The following FBXW4 variants were observed in gnomAD, a reference collection of about 807,000 sequenced individuals.
The protein encoded by FBXW4 is F-box/WD repeat-containing protein 4.
In FBXW4, 40 loss-of-function variants were observed where a neutral mutation model predicts 61.8. The ratio of observed to expected loss-of-function variants is 0.65; its 90% CI spans 0.50 to 0.84. The LOEUF (loss-of-function observed/expected upper bound fraction) is 0.84. FBXW4 is among the 40% of genes least tolerant of loss of function. The pLI is 0.00. For missense variants in FBXW4, 672 were observed against 753.8 expected (o/e 0.89, Z 1.27); for synonymous variants, 311 against 313.8 (o/e 0.99, Z 0.10).
At chr10:101,683,628 T>C (rs1188566642) in intron 1 of FBXW4, among the ~76,000 whole-genome samples, 1 of 152,010 alleles carries the variant, frequency 6.6e-6, no homozygotes, top group Non-Finnish European at 1.5e-5. Flanking sequence ...ATAAACCTAG[T>C]CTGAAGAAAA....
At chr10:101,685,695 T>TA (rs138541181) in intron 1 of FBXW4, among the ~76,000 whole-genome samples, 3,773 of 152,236 alleles carry the variant, frequency 0.025, 156 homozygotes, top group African/African-American at 0.083. Flanking sequence ...ACTTGCTTTT[T>TA]TAAAAAAAAA....
At chr10:101,623,321 G>A (rs1161313864) in intron 6 of FBXW4, among the ~76,000 whole-genome samples, 1 of 152,148 alleles carries the variant, frequency 6.6e-6, no homozygotes, top group Non-Finnish European at 1.5e-5. Flanking sequence ...GCTGAGATGG[G>A]AGGATTGCTT....
intron 1 of FBXW4, among the ~76,000 whole-genome samples, chr10:101,681,499 C>A (rs1010777136): frequency 6.6e-6 from 1 of 150,756 alleles, no homozygotes; most frequent in Non-Finnish European, 1.5e-5. Flanking sequence ...AGGCGGATCA[C>A]GAGGTCAGGA....
chr10:101,674,239 GA>G (rs2064386299), intron 2 of FBXW4, among the ~76,000 whole-genome samples: 1 of 151,360 alleles, frequency 6.6e-6, no homozygotes, highest in African/African-American at 2.4e-5. Flanking sequence ...TGAGGCAGGA[GA>G]ATCGCTTGAA....
intron 5 of FBXW4, among the ~76,000 whole-genome samples, chr10:101,644,674 A>G (rs1323956990): frequency 1.3e-5 from 2 of 152,168 alleles, no homozygotes; most frequent in Non-Finnish European, 2.9e-5. Context: ...CAGAAATGCC[A>G]CAGACCTTTC....
At chr10:101,653,838 CG>C (rs2134864555) in intron 5 of FBXW4, among the ~76,000 whole-genome samples, 1 of 152,130 alleles carries the variant, frequency 6.6e-6, no homozygotes, top group South Asian at 2.1e-4. Flanking sequence ...GACAGGCACT[CG>C]GGGCCAGGCG....
In FBXW4 at chr10:101,667,912, C is replaced by G. The variant is rs2064321510; in HGVS notation, c.1209G>C (p.Trp403Cys). 1 of 1,614,160 alleles carries G rather than the reference C, an allele frequency of 6.2e-7. No individual in the cohort carries two copies. Among genetic ancestry groups the G allele is most frequent in the Non-Finnish European group, 8.5e-7 (1 of 1,179,992 alleles). ...LHTIQTEDRVWSIAISPLLSS... is the reference protein window; with the variant it reads ...LHTIQTEDRVCSIAISPLLSS... The stretch of plus-strand genomic sequence containing the variant: ...TGAGTAATGGGCTGATAGCAATGGA[C>G]CAGACTCGGTCTTCAGTCTGGATGG... The change falls in exon 5 of 9, where the codon TGG (tryptophan) becomes TGC (cysteine). Residue 403 changes from tryptophan (W) to cysteine (C), a missense_variant. Coordinates refer to ENST00000331272, the MANE Select transcript of FBXW4 (RefSeq NM_022039.4).
intron 5 of FBXW4, among the ~76,000 whole-genome samples, chr10:101,655,071 C>A (rs554231249): frequency 1.3e-5 from 2 of 152,168 alleles, no homozygotes. Context: ...TTCAAGTGAA[C>A]CTCCTACCTC....
At chr10:101,652,795 C>T (rs1221981262) in intron 5 of FBXW4, among the ~76,000 whole-genome samples, 1 of 152,056 alleles carries the variant, frequency 6.6e-6, no homozygotes, top group Non-Finnish European at 1.5e-5. Flanking sequence ...GTAAGTTGCC[C>T]CCGAATTACT....
chr10:101,672,802 T>A (rs2064369983), intron 4 of FBXW4, 113 bp downstream of exon 4: 1 of 1,323,412 alleles, frequency 7.6e-7, no homozygotes, highest in Admixed American at 2.4e-5. Context: ...TTGTGTCGTT[T>A]TCTCCCCTGT....
At chr10:101,617,121 A>T (rs2063831450) in intron 6 of FBXW4, among the ~76,000 whole-genome samples, 1 of 152,198 alleles carries the variant, frequency 6.6e-6, no homozygotes, top group South Asian at 2.1e-4. Flanking sequence ...CATACTGTGT[A>T]CCAGGCAACG....
intron 5 of FBXW4, among the ~76,000 whole-genome samples, chr10:101,661,595 CG>C (rs1408377645): frequency 1.3e-5 from 2 of 152,110 alleles, no homozygotes; most frequent in African/African-American, 2.4e-5. Context: ...CATCTTTCTC[CG>C]GGTGTCATGA....
chr10:101,694,767 T>A lies in FBXW4; in HGVS notation c.339A>T (p.Gln113His). ...CCTCCTTCTTCCCATACTCTCTTCCTTGTGCCTCCTTCCCGGCCCCTGCGC... is the reference window on the plus strand; with the variant it reads ...CCTCCTTCTTCCCATACTCTCTTCCATGTGCCTCCTTCCCGGCCCCTGCGC... ...EGSAGAGKEA[Q>H]GREYGKKEEW... is the part of the protein sequence containing the mutation. The change falls in exon 1 of 9, where the codon CAA (glutamine) becomes CAT (histidine). Residue 113 changes from glutamine (Q) to histidine (H), a missense_variant. This residue lies in a region of FBXW4 where 311 missense variants were observed against 301.1 expected (regional missense o/e 1.03). Coordinates refer to ENST00000331272, the MANE Select transcript of FBXW4 (RefSeq NM_022039.4). The surrounding 1 kb of genome is among the most constrained non-coding windows in gnomAD (Gnocchi z 6.0). The A allele has an allele frequency of 2.2e-6, 3 of 1,350,740 alleles. No homozygotes were observed. The highest frequency in any genetic ancestry group is 2.8e-6 in the Non-Finnish European group (3 of 1,058,864). 83.7% of individuals were successfully genotyped at this position (1,350,740 alleles called of 1,614,324 possible). A position where few individuals can be genotyped will look rare whatever the true frequency, so the allele number is the denominator to read the frequency against.
At chr10:101,645,675 C>A (rs1351445179) in intron 5 of FBXW4, among the ~76,000 whole-genome samples, 1 of 152,202 alleles carries the variant, frequency 6.6e-6, no homozygotes, top group Non-Finnish European at 1.5e-5. Flanking sequence ...TCAAGAAAAA[C>A]CAAATTCATA....
In FBXW4 at chr10:101,694,824, CCCTTCCTCCACGCTTCTG is replaced by C; in HGVS notation, c.264_281del (p.Arg89_Gly94del). 7.6e-7 allele frequency: 1 copy of C among 1,310,636 alleles called. No individual in the cohort carries two copies. Among genetic ancestry groups the C allele is most frequent in the Non-Finnish European group, 9.7e-7 (1 of 1,033,822 alleles). 81.2% of individuals were successfully genotyped at this position (1,310,636 alleles called of 1,614,324 possible). A position where few individuals can be genotyped will look rare whatever the true frequency, so the allele number is the denominator to read the frequency against. ...CGACTCCCTTGACGATGCCTCTCGC[CCCTTCCTCCACGCTTCTG>C]CCTCCCTCTGCTTCCTCCCTTGGGC... On this transcript the variant is annotated inframe_deletion, in exon 1 of 9. Coordinates refer to ENST00000331272, the MANE Select transcript of FBXW4 (RefSeq NM_022039.4). This position sits in a 1 kb window ranked among gnomAD's most constrained non-coding sequence, Gnocchi z 6.0.
At chr10:101,680,769 A>G (rs894563864) in intron 1 of FBXW4, among the ~76,000 whole-genome samples, 1 of 152,256 alleles carries the variant, frequency 6.6e-6, no homozygotes, top group African/African-American at 2.4e-5. Flanking sequence ...TGTTAAGACA[A>G]AAGTCATTAA....
intron 5 of FBXW4, among the ~76,000 whole-genome samples, chr10:101,644,050 C>T (rs1212745646): frequency 6.6e-6 from 1 of 152,218 alleles, no homozygotes; most frequent in Non-Finnish European, 1.5e-5. Flanking sequence ...CGTACCTGGG[C>T]TCTCCCCACA....
At chr10:101,630,635 T>C (rs537880949) in intron 5 of FBXW4, among the ~76,000 whole-genome samples, 2 of 152,024 alleles carry the variant, frequency 1.3e-5, no homozygotes, top group African/African-American at 4.8e-5. Flanking sequence ...GCCAGGAGCA[T>C]AGCTGCAGTG....
intron 6 of FBXW4, among the ~76,000 whole-genome samples, chr10:101,624,442 G>A (rs969159796): frequency 3.0e-4 from 45 of 152,282 alleles, no homozygotes; most frequent in African/African-American, 9.9e-4. Context: ...ATCATCTCTG[G>A]GGATAGATGG....
Sources: allele counts gnomAD v4.1 joint callset (sites outside exome capture counted in the v4.1 genomes callset), GRCh38; gene constraint gnomAD v4.1.1; regional missense constraint gnomAD v4.1.1; non-coding constraint Gnocchi (gnomAD v3.1); transcripts MANE v1.5; gene names NCBI Gene and HGNC (gene_info 2026-07-23, HGNC 2026-07-21).